Variants in TRPM5 observed in about 807,000 individuals in gnomAD.
TRPM5 encodes MLSN1 and TRP-related.
TRPM5 carries 121 observed loss-of-function variants against 124.9 expected under a neutral mutation model. The observed-to-expected ratio is 0.97, with a 90% CI of 0.84 to 1.13. TRPM5 has a LOEUF of 1.13. Ranked by LOEUF, TRPM5 falls within the 50% of genes most tolerant of loss-of-function variation. The pLI, the probability that TRPM5 is intolerant of heterozygous loss-of-function variation, is 0.00. For synonymous variants in TRPM5, 781 were observed against 700.5 expected, an observed-to-expected ratio of 1.11 and a Z score of -1.81; for missense variants, 1,643 against 1,589.1, an observed-to-expected ratio of 1.03 and a Z score of -0.58.
upstream of TRPM5, among the ~76,000 whole-genome samples, chr11:2,423,600 G>A (rs1845802176): frequency 6.6e-6 from 1 of 152,170 alleles, no homozygotes; most frequent in African/African-American, 2.4e-5. Flanking sequence ...GGAGGTCCAG[G>A]AGGCCCAGGA....
intron 22 of TRPM5, 142 bp from the exon 28 acceptor site, chr11:2,405,735 G>A (rs192131773): frequency 1.1e-6 from 1 of 924,312 alleles, no homozygotes; most frequent in East Asian, 2.6e-5. Context: ...TCACAGGCAG[G>A]GGTGAGTGAG....
Position 2,407,266 on chromosome 11 carries a change from T to C in TRPM5, c.2971A>G (p.Met991Val), listed in dbSNP as rs371930632. The C allele has an allele frequency of 1.9e-6, 3 of 1,611,876 alleles. No homozygotes were observed. The highest frequency in any genetic ancestry group is 2.7e-5 in the African/African-American group (2 of 74,846). The stretch of plus-strand genomic sequence containing the variant: ...TTGTAGCGCTGGAACTTCCAGAACA[T>C]GTCTGCGTTGCCCTGCACCACCTGG... The change falls in exon 20 of 24, where the codon ATG (methionine) becomes GTG (valine). Residue 991 changes from methionine to valine, a missense_variant. Transcript: ENST00000155858.
At chr11:2,428,183 C>T in the TRPM5 span, among the ~76,000 whole-genome samples, 14,138 of 152,182 alleles carry the variant, frequency 0.093, 797 homozygotes, top group African/African-American at 0.15. The surrounding 1 kb of genome is among the most constrained non-coding windows in gnomAD (Gnocchi z 4.0). Flanking sequence ...ACTCTAATAG[C>T]CTGGCTTCTG....
In TRPM5 at chr11:2,422,802, G is replaced by A; in HGVS notation, c.117+118C>T. 6.8e-6 allele frequency: 6 copies of A among 883,512 alleles called. No homozygotes were observed. The South Asian group carries it at 8.1e-5, about 12-fold the overall frequency. 54.7% of individuals were successfully genotyped at this position (883,512 alleles called of 1,614,324 possible). On this transcript the variant is annotated intron_variant, in intron 1 of 23. Coordinates refer to ENST00000155858, the Ensembl canonical transcript of TRPM5. ...TCTGGGGGCTCTGAATATGGCCCCA[G>A]GGGAGCAGACCCCAGGGGTGAGGAG...
At chr11:2,426,535 G>C (rs1845841648), upstream of TRPM5, among the ~76,000 whole-genome samples, 1 of 152,118 alleles carries the variant, frequency 6.6e-6, no homozygotes, top group Non-Finnish European at 1.5e-5. Flanking sequence ...GCAAAACTGA[G>C]GCAGCCCCCC....
intron 21 of TRPM5, 109 bp downstream of exon 26, chr11:2,406,552 C>G: frequency 2.1e-6 from 3 of 1,416,704 alleles, no homozygotes; most frequent in Non-Finnish European, 2.9e-6. Flanking sequence ...CTGCCCCTAC[C>G]CCTTCAGCTT....
rs1444882724 is a variant in TRPM5, at chr11:2,413,595, TG to T, written c.1891-8del. The T allele has an allele frequency of 2.5e-6, 4 of 1,610,878 alleles. No individual in the cohort carries two copies. The South Asian group carries it at 4.4e-5, about 18-fold the overall frequency. Reference sequence around the variant, plus strand: ...AGATCCTGGTCAGGAAGGCCTGAGGTGAAGGCAAAACTGTCGGCTCCAACTC... The same window carrying T: ...AGATCCTGGTCAGGAAGGCCTGAGGTAAGGCAAAACTGTCGGCTCCAACTC... On this transcript the variant is annotated splice_region_variant and splice_polypyrimidine_tract_variant and intron_variant, in intron 12 of 23. Transcript: ENST00000155858.
exon 7 of TRPM5, chr11:2,417,828 A>T: frequency 6.4e-7 from 1 of 1,572,942 alleles, no homozygotes; most frequent in Non-Finnish European, 8.6e-7. Flanking sequence ...GATGTTCTGC[A>T]GCTGGGCACC....
At chr11:2,407,373 T>C in intron 19 of TRPM5, 73 bp from the exon 25 acceptor site, 3 of 1,428,782 alleles carry the variant, frequency 2.1e-6, no homozygotes, top group Non-Finnish European at 2.8e-6. Flanking sequence ...CCCTGCACCC[T>C]GATTGCTGTT....
intron 2 of TRPM5, 113 bp downstream of exon 7, chr11:2,422,028 G>A (rs1845779253): frequency 1.8e-6 from 2 of 1,134,150 alleles, no homozygotes; most frequent in Non-Finnish European, 2.4e-6. Flanking sequence ...ACAGTCAGGG[G>A]GTCTGGCTGC....
chr11:2,422,904 T>C lies in TRPM5; in HGVS notation c.117+16A>G, dbSNP rs370287105. The C allele has an allele frequency of 4.8e-5, 77 of 1,607,230 alleles. No individual in the cohort carries two copies. Among genetic ancestry groups the C allele is most frequent in the Non-Finnish European group, 6.3e-5 (74 of 1,174,462 alleles). ...GTCAAGGCGGACATCACCTGAGGCC[T>C]GGGGCCTGCCCTTACCTTGCCTCGC... On this transcript the variant is annotated intron_variant, in intron 1 of 23. Transcript: ENST00000155858.
At chr11:2,423,012 G>A in exon 1 of TRPM5, 1 of 1,612,406 alleles carries the variant, frequency 6.2e-7, no homozygotes, top group Non-Finnish European at 8.5e-7. Context: ...GGGCTTCCGG[G>A]ACGGGGGCCT....
intron 18 of TRPM5, among the ~76,000 whole-genome samples, chr11:2,408,192 A>G (rs1850363377): frequency 1.3e-5 from 2 of 152,170 alleles, no homozygotes; most frequent in African/African-American, 4.8e-5. Flanking sequence ...CCAAGATCAC[A>G]GGCCCTGGAA....
At chr11:2,431,941 C>T in the TRPM5 span, among the ~76,000 whole-genome samples, 6 of 152,206 alleles carry the variant, frequency 3.9e-5, no homozygotes, top group African/African-American at 1.4e-4. Context: ...AGGTACAGAC[C>T]ACATGTTCTA....
chr11:2,436,720 G>A, the TRPM5 span, among the ~76,000 whole-genome samples: 4 of 152,334 alleles, frequency 2.6e-5, no homozygotes, highest in South Asian at 2.1e-4. Flanking sequence ...AGGTGATGCC[G>A]ACAACTCCAA....
At chr11:2,429,992 TGG>T in the TRPM5 span, among the ~76,000 whole-genome samples, 2 of 151,044 alleles carry the variant, frequency 1.3e-5, no homozygotes, top group Non-Finnish European at 3.0e-5. The surrounding 1 kb of genome is among the most constrained non-coding windows in gnomAD (Gnocchi z 8.4). Flanking sequence ...TCTATGGAGT[TGG>T]GGGGCACAGT....
At chr11:2,406,042 G>T in exon 22 of TRPM5, 1 of 1,612,136 alleles carries the variant, frequency 6.2e-7, no homozygotes, top group South Asian at 1.1e-5. Flanking sequence ...CACTTGATGC[G>T]CTTTTCTTGC....
At chr11:2,429,455 T>C in the TRPM5 span, among the ~76,000 whole-genome samples, 1 of 151,656 alleles carries the variant, frequency 6.6e-6, no homozygotes, top group African/African-American at 2.4e-5. The surrounding 1 kb of genome is among the most constrained non-coding windows in gnomAD (Gnocchi z 8.4). Flanking sequence ...ATGTTGGTGA[T>C]GGTGGTGATG....
intron 1 of TRPM5, 64 bp from the exon 7 acceptor site, chr11:2,422,385 G>T (rs1441681264): frequency 4.1e-6 from 6 of 1,448,102 alleles, no homozygotes; most frequent in Non-Finnish European, 2.8e-6. Context: ...CTGGGCATTG[G>T]GGGGGGCTGG....
Sources: allele counts gnomAD v4.1 joint callset (sites outside exome capture counted in the v4.1 genomes callset), GRCh38; gene constraint gnomAD v4.1.1; non-coding constraint Gnocchi (gnomAD v3.1); transcripts MANE v1.5; gene names NCBI Gene and HGNC (gene_info 2026-07-23, HGNC 2026-07-21).